Variants in PLXNA2 observed in about 807,000 individuals in gnomAD.
The protein encoded by PLXNA2 is plexin A2.
A neutral mutation model predicts 193.5 loss-of-function variants in PLXNA2; 91 were observed. The observed-to-expected ratio is 0.47, with a 90% CI of 0.40 to 0.56. The LOEUF is 0.56. Ranked by LOEUF, PLXNA2 falls within the 20% of genes least tolerant of loss-of-function variation. The probability of loss-of-function intolerance (pLI) is 0.00; values close to 1 mark genes in which losing one functional copy is unlikely to be tolerated. For synonymous variants in PLXNA2, 997 were observed against 1,027.3 expected, an observed-to-expected ratio of 0.97 and a Z score of 0.56; for missense variants, 1,995 against 2,503.2, an observed-to-expected ratio of 0.80 and a Z score of 4.33.
At chr1:208,127,080 C>T (rs1257277298) in intron 4 of PLXNA2, among the ~76,000 whole-genome samples, 1 of 152,190 alleles carries the variant, frequency 6.6e-6, no homozygotes, top group East Asian at 1.9e-4. Flanking sequence ...AGCTGACTTG[C>T]ACAAGAGGCT....
At chr1:208,182,857 T>C (rs1669888326) in intron 3 of PLXNA2, among the ~76,000 whole-genome samples, 1 of 152,016 alleles carries the variant, frequency 6.6e-6, no homozygotes, top group Admixed American at 6.6e-5. Context: ...CCCGGTGAAT[T>C]AATGCAGCTT....
intron 4 of PLXNA2, among the ~76,000 whole-genome samples, chr1:208,126,413 T>C (rs1260509471): frequency 6.6e-6 from 1 of 152,190 alleles, no homozygotes; most frequent in African/African-American, 2.4e-5. Context: ...TAGTCTCTAG[T>C]GGTCCATGAT....
intron 24 of PLXNA2, 83 bp downstream of exon 24, chr1:208,039,538 A>G (rs895398167): frequency 6.1e-5 from 96 of 1,569,906 alleles, no homozygotes; most frequent in Non-Finnish European, 8.0e-5. Flanking sequence ...TTGACCCCCT[A>G]GACTGCTTTT....
intron 5 of PLXNA2, among the ~76,000 whole-genome samples, chr1:208,102,406 C>T (rs1667126469): frequency 6.6e-6 from 1 of 152,246 alleles, no homozygotes; most frequent in South Asian, 2.1e-4. Flanking sequence ...CTTTCTCTTC[C>T]CCTGGGGCTC....
At chr1:208,137,707 T>C (rs978101415) in intron 4 of PLXNA2, among the ~76,000 whole-genome samples, 8 of 152,234 alleles carry the variant, frequency 5.3e-5, no homozygotes, top group African/African-American at 1.9e-4. Flanking sequence ...TAACAGTACA[T>C]TACCATTGAC....
At chr1:208,153,534 T>G (rs1488098130) in intron 3 of PLXNA2, among the ~76,000 whole-genome samples, 1 of 152,240 alleles carries the variant, frequency 6.6e-6, no homozygotes, top group Non-Finnish European at 1.5e-5. Context: ...GTCGAAATGA[T>G]CTTTTCTGGC....
chr1:208,048,450 C>A lies in PLXNA2; in HGVS notation c.3256-2333G>T, dbSNP rs564679875. Among the ~76,000 whole-genome samples, 6 of 152,346 alleles carry A rather than the reference C, an allele frequency of 3.9e-5. No individual in the cohort carries two copies. In the East Asian group the frequency reaches 1.2e-3, roughly 29 times the overall value. Reference sequence around the variant, plus strand: ...TGGAAATCTACATTCCTGCATCCTTCCCTCTGGGTCTGCCAGCCTGTAGAT... The same window carrying A: ...TGGAAATCTACATTCCTGCATCCTTACCTCTGGGTCTGCCAGCCTGTAGAT... On this transcript the variant is annotated intron_variant, in intron 17 of 31. Coordinates refer to ENST00000367033, the MANE Select transcript of PLXNA2 (RefSeq NM_025179.4).
chr1:208,084,659 G>C, intron 9 of PLXNA2, 79 bp from the exon 10 acceptor site: 1 of 1,388,184 alleles, frequency 7.2e-7, no homozygotes. Flanking sequence ...GGCCCCTCTT[G>C]TATCAGGTGA....
chr1:208,151,109 C>G (rs1453692157), intron 3 of PLXNA2, among the ~76,000 whole-genome samples: 1 of 152,212 alleles, frequency 6.6e-6, no homozygotes, highest in South Asian at 2.1e-4. Context: ...ACAGTGGAGA[C>G]AGCCGAAGCA....
rs113842825 is a variant in PLXNA2, at chr1:208,212,932, A to G, written c.1189-2470T>C. On this transcript the variant is annotated intron_variant, in intron 2 of 31. Transcript: ENST00000367033. ...ACCATGTCTCAGCCTCAGTTTTCTC[A>G]TCTGTAAAGTAAAAGTATTGGAACA... is the stretch of plus-strand genomic sequence containing the variant. 3.1e-3 allele frequency among the ~76,000 whole-genome samples: 476 copies of G among 152,312 alleles called. 2 individuals are homozygous for G. Among genetic ancestry groups the G allele is most frequent in the Middle Eastern group, 0.01 (3 of 294 alleles).
At chr1:208,071,657 C>T (rs956196197) in intron 12 of PLXNA2, among the ~76,000 whole-genome samples, 2 of 152,214 alleles carry the variant, frequency 1.3e-5, no homozygotes, top group African/African-American at 4.8e-5. Context: ...TCTGTCTTAG[C>T]TGATAGTACA....
chr1:208,159,144 G>T lies in PLXNA2; in HGVS notation c.1372-16681C>A, dbSNP rs1309821301. 2.6e-5 allele frequency among the ~76,000 whole-genome samples: 4 copies of T among 152,274 alleles called. No homozygotes were observed. The East Asian group carries it at 5.8e-4, about 22-fold the overall frequency. On this transcript the variant is annotated intron_variant, in intron 3 of 31. Coordinates refer to ENST00000367033, the MANE Select transcript of PLXNA2 (RefSeq NM_025179.4). Reference sequence around the variant, plus strand: ...GGAGTGGGAGAAATGCCAGGAAAATGGGGAAACCCCTTCCCTAGAGGCTCT... The same window carrying T: ...GGAGTGGGAGAAATGCCAGGAAAATTGGGAAACCCCTTCCCTAGAGGCTCT...
chr1:208,095,413 G>A (rs1020083471), intron 8 of PLXNA2, among the ~76,000 whole-genome samples: 3 of 152,180 alleles, frequency 2.0e-5, no homozygotes, highest in Admixed American at 1.3e-4. Flanking sequence ...GGTGAGGTCC[G>A]TAGAACTAAA....
chr1:208,181,028 A>G (rs1231486170), intron 3 of PLXNA2, among the ~76,000 whole-genome samples: 1 of 152,236 alleles, frequency 6.6e-6, no homozygotes, highest in Admixed American at 6.5e-5. Flanking sequence ...AGAAACCTCT[A>G]GTGTCCAGGC....
At chr1:208,112,187 C>T (rs1357805161) in intron 4 of PLXNA2, among the ~76,000 whole-genome samples, 1 of 152,150 alleles carries the variant, frequency 6.6e-6, no homozygotes, top group Non-Finnish European at 1.5e-5. Context: ...AGAGGTCCTG[C>T]AGGAGTCAAA....
intron 6 of PLXNA2, among the ~76,000 whole-genome samples, chr1:208,097,429 T>C (rs758701396): frequency 2.6e-5 from 4 of 152,180 alleles, no homozygotes; most frequent in Non-Finnish European, 4.4e-5. Context: ...GCTTCTCTGT[T>C]CCATGTGGGC....
chr1:208,066,848 G>A (rs900602707), intron 12 of PLXNA2, among the ~76,000 whole-genome samples: 2 of 152,256 alleles, frequency 1.3e-5, no homozygotes, highest in African/African-American at 2.4e-5. Context: ...GTAGGCCTAG[G>A]CTGATGTGTG....
intron 1 of PLXNA2, among the ~76,000 whole-genome samples, chr1:208,229,314 C>T (rs1053768904): frequency 4.6e-5 from 7 of 152,178 alleles, no homozygotes; most frequent in African/African-American, 1.7e-4. Flanking sequence ...TTTCCTATCT[C>T]CCCACTGAAT....
chr1:208,040,868 G>C (rs1664846444), intron 22 of PLXNA2, among the ~76,000 whole-genome samples: 1 of 152,306 alleles, frequency 6.6e-6, no homozygotes, highest in Middle Eastern at 3.4e-3. Context: ...CCCATCCCAG[G>C]GCTACAGATC....
Sources: allele counts gnomAD v4.1 joint callset (sites outside exome capture counted in the v4.1 genomes callset), GRCh38; gene constraint gnomAD v4.1.1; transcripts MANE v1.5; gene names NCBI Gene and HGNC (gene_info 2026-07-23, HGNC 2026-07-21).